Variants in FBXW2 observed in about 807,000 individuals in gnomAD.
The protein encoded by FBXW2 is F-box and WD repeat domain containing 2.
Under a neutral mutation model 46.0 loss-of-function variants are expected in FBXW2, and 12 were observed. The observed-to-expected ratio is 0.26, with a 90% CI of 0.17 to 0.42. The LOEUF is 0.42. FBXW2 is among the 10% of genes least tolerant of loss of function. The pLI is 1.00. For synonymous variants in FBXW2, 203 were observed against 209.6 expected (o/e 0.97, Z 0.27); for missense variants, 360 against 537.0 (o/e 0.67, Z 3.26).
intron 3 of FBXW2, among the ~76,000 whole-genome samples, chr9:120,786,791 G>C (rs1031992539): frequency 1.3e-5 from 2 of 152,102 alleles, no homozygotes; most frequent in African/African-American, 4.8e-5. Context: ...CTGTCAAAAT[G>C]TATTATCTAA....
Position 120,764,157 on chromosome 9 carries a change from A to T in FBXW2, c.*402T>A. The stretch of plus-strand genomic sequence containing the variant: ...ATCATAGCACCTTTGCTTCAACTTC[A>T]AAAGAAAAAAAGGCTATGGTAAAAA... On this transcript the variant is annotated 3_prime_UTR_variant, in exon 8 of 8. Coordinates refer to ENST00000608872, the MANE Select transcript of FBXW2 (RefSeq NM_012164.4). 2.6e-6 allele frequency: 1 copy of T among 378,086 alleles called. No individual in the cohort carries two copies. Among genetic ancestry groups the T allele is most frequent in the Non-Finnish European group, 4.7e-6 (1 of 213,558 alleles). 23.4% of individuals were successfully genotyped at this position (378,086 alleles called of 1,614,324 possible). A position where few individuals can be genotyped will look rare whatever the true frequency, so the allele number is the denominator to read the frequency against.
In FBXW2 at chr9:120,787,880, T is replaced by C; in HGVS notation, c.379A>G (p.Ile127Val). 4.3e-6 allele frequency: 7 copies of C among 1,614,222 alleles called. No individual in the cohort carries two copies. The highest frequency in any genetic ancestry group is 5.9e-6 in the Non-Finnish European group (7 of 1,180,040). Residue 127 changes from isoleucine to valine, a missense_variant, in exon 3 of 8, where the codon ATT becomes GTT. Ile to Val is a conservative substitution (Grantham distance 29). Coordinates refer to ENST00000608872, the MANE Select transcript of FBXW2 (RefSeq NM_012164.4). ...LHWKKVYLKA[I>V]LRMKQLEDHE... ...TCCTCCAGTTGCTTCATTCTCAAAA[T>C]AGCCTTCAAATAAACCTTCTTCCAG...
intron 3 of FBXW2, among the ~76,000 whole-genome samples, chr9:120,784,953 G>GA (rs1251558112): frequency 2.0e-5 from 3 of 149,136 alleles, no homozygotes; most frequent in Non-Finnish European, 4.5e-5. Context: ...AGGTGGTTGT[G>GA]AAAAAATGGT....
Position 120,793,347 on chromosome 9 carries a change from T to C in FBXW2, c.-130+7A>G, listed in dbSNP as rs1487449707. 1.4e-5 allele frequency: 6 copies of C among 418,198 alleles called. No individual in the cohort carries two copies. Among genetic ancestry groups the C allele is most frequent in the East Asian group, 7.1e-5 (2 of 28,250 alleles). The allele number at this position is 418,198 out of a possible 1,614,324, so 25.9% of individuals were successfully genotyped here. A position where few individuals can be genotyped will look rare whatever the true frequency, so the allele number is the denominator to read the frequency against. The stretch of plus-strand genomic sequence containing the variant: ...CCTCCCCGACCGGCCCCGCCTCGCA[T>C]ACAGACCCGGACCTGCGGCCGCTGC... On this transcript the variant is annotated splice_region_variant and intron_variant, in intron 1 of 7. Coordinates refer to ENST00000608872, the MANE Select transcript of FBXW2 (RefSeq NM_012164.4).
rs2044140422 is a variant in FBXW2 at position 120,757,011 on chromosome 9, G to C, written c.*7548C>G. ...ATTATTTCTAAATCAGTGATAATTA[G>C]ATTAGTGAAATTTTATTTATAGCCA... On this transcript the variant is annotated 3_prime_UTR_variant, in exon 8 of 8. Transcript: ENST00000608872. 1 of 152,142 alleles carries C rather than the reference G, an allele frequency of 6.6e-6. No homozygotes were observed. Among genetic ancestry groups the C allele is most frequent in the Non-Finnish European group, 1.5e-5 (1 of 68,018 alleles). The allele number at this position is 152,142 out of a possible 1,614,324, so 9.4% of individuals were successfully genotyped here.
rs2044214677 is a variant in FBXW2, at chr9:120,762,680, A to G, written c.*1879T>C. 6.6e-6 allele frequency: 1 copy of G among 152,186 alleles called. No homozygotes were observed. Among genetic ancestry groups the G allele is most frequent in the Non-Finnish European group, 1.5e-5 (1 of 68,048 alleles). The allele number at this position is 152,186 out of a possible 1,614,324, so 9.4% of individuals were successfully genotyped here. On this transcript the variant is annotated 3_prime_UTR_variant, in exon 8 of 8. Coordinates refer to ENST00000608872, the MANE Select transcript of FBXW2 (RefSeq NM_012164.4). ...CAGATTCTGCAAGAGATAGGTCCCC[A>G]CTCTAGAGTTCACATCATTCTCAGC...
rs764467648 is a variant in FBXW2, at chr9:120,788,266, T to A, written c.-8A>T. On this transcript the variant is annotated 5_prime_UTR_variant, in exon 3 of 8. Coordinates refer to ENST00000608872, the MANE Select transcript of FBXW2 (RefSeq NM_012164.4). ...AAAGTCCTTTCTCTCCATAAGGTTA[T>A]GGAAAAATTTACCTGTGGCACATCA... 3.5e-5 allele frequency: 56 copies of A among 1,611,186 alleles called. No individual in the cohort carries two copies. Among genetic ancestry groups the A allele is most frequent in the Admixed American group, 5.0e-5 (3 of 59,824 alleles).
chr9:120,783,820 C>T (rs1437171880), intron 3 of FBXW2, among the ~76,000 whole-genome samples: 1 of 152,112 alleles, frequency 6.6e-6, no homozygotes, highest in Non-Finnish European at 1.5e-5. Flanking sequence ...AAATAAATTG[C>T]GAAAGAGAAA....
At chr9:120,778,847 A>G (rs1371520935) in intron 3 of FBXW2, among the ~76,000 whole-genome samples, 1 of 152,242 alleles carries the variant, frequency 6.6e-6, no homozygotes, top group Non-Finnish European at 1.5e-5. Flanking sequence ...GAAAAATTTC[A>G]TAAATCCTTG....
chr9:120,771,633 C>A, intron 6 of FBXW2, 116 bp from the exon 7 acceptor site: 1 of 852,326 alleles, frequency 1.2e-6, no homozygotes, highest in East Asian at 2.7e-5. Flanking sequence ...CTGGAAAGAC[C>A]CCAGGTTTTA....
rs1333631817 is a variant in FBXW2 at position 120,788,133 on chromosome 9, C to T, written c.126G>A (p.Arg42=). 3 of 1,614,114 alleles carry T rather than the reference C, an allele frequency of 1.9e-6. No individual in the cohort carries two copies. Among genetic ancestry groups the T allele is most frequent in the Admixed American group, 1.7e-5 (1 of 60,014 alleles). Residue 42 remains arginine, a synonymous_variant, in exon 3 of 8, where the codon AGG becomes AGA. Coordinates refer to ENST00000608872, the MANE Select transcript of FBXW2 (RefSeq NM_012164.4). ...LISLSGAVQL[R]HLSNNLETLL... is the part of the protein sequence containing the mutation. ...GAGTCTCTAGGTTATTGGAGAGATGCCTGAGCTGGACTGCCCCACTCAGAC... is the reference window on the plus strand; with the variant it reads ...GAGTCTCTAGGTTATTGGAGAGATGTCTGAGCTGGACTGCCCCACTCAGAC...
intron 3 of FBXW2, among the ~76,000 whole-genome samples, chr9:120,784,746 C>T (rs2044684066): frequency 6.6e-6 from 1 of 151,650 alleles, no homozygotes; most frequent in South Asian, 2.1e-4. Flanking sequence ...ATGGTGAAAC[C>T]CCTTCTCTAC....
intron 5 of FBXW2, among the ~76,000 whole-genome samples, chr9:120,775,357 T>C (rs1454294343): frequency 1.3e-5 from 2 of 152,220 alleles, no homozygotes; most frequent in Non-Finnish European, 2.9e-5. Flanking sequence ...GACTGTCTTA[T>C]AGAACACTGT....
chr9:120,790,973 T>C (rs1038933280), intron 2 of FBXW2, among the ~76,000 whole-genome samples: 3 of 152,364 alleles, frequency 2.0e-5, no homozygotes, highest in South Asian at 2.1e-4. Context: ...AACTCTTAGA[T>C]TGCCTTTTAA....
At chr9:120,784,438 C>G (rs1035743932) in intron 3 of FBXW2, among the ~76,000 whole-genome samples, 7 of 151,858 alleles carry the variant, frequency 4.6e-5, no homozygotes, top group African/African-American at 1.7e-4. Context: ...ATGGTGAAAT[C>G]CTGTCTCTAC....
At chr9:120,775,026 C>T (rs1053014768) in intron 5 of FBXW2, among the ~76,000 whole-genome samples, 13 of 152,206 alleles carry the variant, frequency 8.5e-5, no homozygotes, top group Admixed American at 6.5e-4. Context: ...TAACCCCCTT[C>T]TCAAAAACTT....
rs1297129383 is a variant in FBXW2 at position 120,758,784 on chromosome 9, T to C, written c.*5775A>G. On this transcript the variant is annotated 3_prime_UTR_variant, in exon 8 of 8. Transcript: ENST00000608872. Reference sequence around the variant, plus strand: ...AAGGTGCAGGGCCGTGGTACTCAAATGACAAGAAGCCCCGTAAGTTTAAGT... The same window carrying C: ...AAGGTGCAGGGCCGTGGTACTCAAACGACAAGAAGCCCCGTAAGTTTAAGT... The C allele has an allele frequency of 5.3e-5, 8 of 152,118 alleles. No individual in the cohort carries two copies. The highest frequency in any genetic ancestry group is 1.9e-4 in the African/African-American group (8 of 41,414). 9.4% of individuals were successfully genotyped at this position (152,118 alleles called of 1,614,324 possible).
chr9:120,765,101 T>G (rs1027380939), intron 7 of FBXW2, among the ~76,000 whole-genome samples: 5 of 151,788 alleles, frequency 3.3e-5, no homozygotes, highest in Non-Finnish European at 1.5e-5. Context: ...CAAAGTTTTT[T>G]TTTTTTTTTT....
At chr9:120,778,686 A>C in intron 3 of FBXW2, 141 bp from the exon 4 acceptor site, 1 of 730,434 alleles carries the variant, frequency 1.4e-6, no homozygotes, top group East Asian at 2.7e-5. Flanking sequence ...AAATCAAAGC[A>C]CGGAGAGAGT....
Sources: allele counts gnomAD v4.1 joint callset (sites outside exome capture counted in the v4.1 genomes callset), GRCh38; gene constraint gnomAD v4.1.1; transcripts MANE v1.5; gene names NCBI Gene and HGNC (gene_info 2026-07-23, HGNC 2026-07-21).